FGFR2: variants seen among roughly 807,000 people sequenced by gnomAD.
FGFR2 encodes the protein fibroblast growth factor receptor 2.
In FGFR2, 19 loss-of-function variants were observed where a neutral mutation model predicts 95.9. The observed-to-expected ratio is 0.20, with a 90% CI of 0.14 to 0.29. The LOEUF is 0.29. FGFR2 is among the 10% of genes least tolerant of loss of function. FGFR2 has a pLI of 1.00. For synonymous variants in FGFR2, 392 were observed against 393.3 expected, an observed-to-expected ratio of 1.00 and a Z score of 0.04; for missense variants, 707 against 1,056.9, an observed-to-expected ratio of 0.67 and a Z score of 4.59.
chr10:121,595,044 C>G (rs751109080), intron 1 of FGFR2, among the ~76,000 whole-genome samples: 1 of 152,190 alleles, frequency 6.6e-6, no homozygotes, highest in Non-Finnish European at 1.5e-5. Flanking sequence ...CAGTAAAATG[C>G]ACAAACTTTA....
At chr10:121,494,148 C>G (rs1231916667) in intron 13 of FGFR2, among the ~76,000 whole-genome samples, 1 of 152,110 alleles carries the variant, frequency 6.6e-6, no homozygotes, top group African/African-American at 2.4e-5. Flanking sequence ...CTTCCTCCCC[C>G]TCAGAGGCTT....
intron 10 of FGFR2, 26 bp downstream of exon 10, chr10:121,503,764 G>T (rs1355036380): frequency 6.2e-7 from 1 of 1,613,666 alleles, no homozygotes; most frequent in African/African-American, 1.3e-5. Context: ...TCTCCATCCT[G>T]GGACATGGCC....
intron 6 of FGFR2, among the ~76,000 whole-genome samples, chr10:121,534,091 CTTTT>C (rs1022674124): frequency 4.8e-4 from 44 of 92,092 alleles, no homozygotes; most frequent in African/African-American, 1.3e-3. Flanking sequence ...CCCAAAATGG[CTTTT>C]TTTTTTTTTT....
At chr10:121,505,624 G>C (rs1453253076) in intron 9 of FGFR2, among the ~76,000 whole-genome samples, 1 of 152,164 alleles carries the variant, frequency 6.6e-6, no homozygotes, top group African/African-American at 2.4e-5. Flanking sequence ...AATCCGTCCT[G>C]CTCCCCACTG....
chr10:121,548,931 T>C (rs1854969358), intron 5 of FGFR2, among the ~76,000 whole-genome samples: 1 of 152,152 alleles, frequency 6.6e-6, no homozygotes, highest in South Asian at 2.1e-4. Context: ...CCTTTGAATC[T>C]CATCGTATCT....
intron 5 of FGFR2, among the ~76,000 whole-genome samples, chr10:121,544,443 TAAA>T (rs753310814): frequency 1.9e-5 from 2 of 106,228 alleles, no homozygotes; most frequent in Non-Finnish European, 4.0e-5. Context: ...AACTCCGTCT[TAAA>T]AAAAAAAAAA....
At chr10:121,546,561 G>A (rs1564963458) in intron 5 of FGFR2, among the ~76,000 whole-genome samples, 1 of 152,174 alleles carries the variant, frequency 6.6e-6, no homozygotes, top group African/African-American at 2.4e-5. Context: ...AGACTGAACT[G>A]CCGAATTCCA....
chr10:121,545,921 A>ACAG (rs1296290630), intron 5 of FGFR2, among the ~76,000 whole-genome samples: 1 of 152,168 alleles, frequency 6.6e-6, no homozygotes, highest in African/African-American at 2.4e-5. Flanking sequence ...TGTAATACCC[A>ACAG]ACGCTGAGGG....
intron 6 of FGFR2, among the ~76,000 whole-genome samples, chr10:121,533,141 C>T (rs1405745094): frequency 6.6e-6 from 1 of 152,210 alleles, no homozygotes; most frequent in East Asian, 1.9e-4. Context: ...GTAATCTTGG[C>T]ACTTTGGGAG....
chr10:121,510,714 G>A (rs1164571457), intron 9 of FGFR2, among the ~76,000 whole-genome samples: 1 of 151,636 alleles, frequency 6.6e-6, no homozygotes, highest in Non-Finnish European at 1.5e-5. Flanking sequence ...TATTCCTAAC[G>A]TCCCCAGGAA....
chr10:121,496,868 T>A, intron 12 of FGFR2, 146 bp from the exon 13 acceptor site: 1 of 723,736 alleles, frequency 1.4e-6, no homozygotes, highest in Non-Finnish European at 2.3e-6. Flanking sequence ...TGGTGCCTCA[T>A]ATCTGTAATC....
chr10:121,518,146 C>A lies in FGFR2; in HGVS notation c.940-683G>T. The A allele has an allele frequency of 2.8e-6, 1 of 360,938 alleles. No individual in the cohort carries two copies. The highest frequency in any genetic ancestry group is 2.2e-5 in the South Asian group (1 of 46,070). The allele number at this position is 360,938 out of a possible 1,614,324, so 22.4% of individuals were successfully genotyped here. A position where few individuals can be genotyped will look rare whatever the true frequency, so the allele number is the denominator to read the frequency against. ...AAAGTCAACCTTTTGCCTTTAGTAG[C>A]GTCCAGTAGTACATTCATTAAGATG... On this transcript the variant is annotated intron_variant, in intron 7 of 17. Coordinates refer to ENST00000358487, the MANE Select transcript of FGFR2 (RefSeq NM_000141.5). This position sits in a 1 kb window ranked among gnomAD's most constrained non-coding sequence, Gnocchi z 4.0.
chr10:121,574,811 G>C (rs1261742865), intron 2 of FGFR2, among the ~76,000 whole-genome samples: 1 of 152,196 alleles, frequency 6.6e-6, no homozygotes, highest in Non-Finnish European at 1.5e-5. Context: ...CAATATAAAG[G>C]TGAAAGTTCT....
At chr10:121,551,250 A>T (rs1483433069) in intron 5 of FGFR2, 40 bp downstream of exon 5, 2 of 1,610,744 alleles carry the variant, frequency 1.2e-6, no homozygotes, top group East Asian at 2.2e-5. Context: ...TAAATAAACA[A>T]AAATGTAAGA....
At chr10:121,521,106 T>C (rs1213013628) in intron 6 of FGFR2, among the ~76,000 whole-genome samples, 2 of 152,260 alleles carry the variant, frequency 1.3e-5, no homozygotes, top group African/African-American at 4.8e-5. Context: ...CCCATTTAGC[T>C]CTTTGATGAA....
intron 2 of FGFR2, among the ~76,000 whole-genome samples, chr10:121,589,565 A>G (rs550907324): frequency 6.6e-6 from 1 of 152,334 alleles, no homozygotes; most frequent in East Asian, 1.9e-4. Context: ...AAATAAACAG[A>G]CAAAACAGAA....
At chr10:121,523,478 A>G (rs1226285085) in intron 6 of FGFR2, among the ~76,000 whole-genome samples, 1 of 152,168 alleles carries the variant, frequency 6.6e-6, no homozygotes, top group Non-Finnish European at 1.5e-5. Context: ...GGCAGAGTTA[A>G]GTCCGCGCAC....
At chr10:121,492,046 C>T (rs1443221399) in intron 13 of FGFR2, among the ~76,000 whole-genome samples, 1 of 150,244 alleles carries the variant, frequency 6.7e-6, no homozygotes, top group Non-Finnish European at 1.5e-5. Flanking sequence ...TGTGGTGGTA[C>T]ATGCCTGTAG....
chr10:121,598,296 C>T lies in FGFR2; in HGVS notation c.-485G>A, dbSNP rs1027012938. On this transcript the variant is annotated 5_prime_UTR_variant, in exon 1 of 18. Coordinates refer to ENST00000358487, the MANE Select transcript of FGFR2 (RefSeq NM_000141.5). The stretch of plus-strand genomic sequence containing the variant: ...CCTCGGGGCCCCCGGGGCTCGCGGC[C>T]GGCCCCCGCCAGCCCGGAGAGCAGT... 4.6e-5 allele frequency: 17 copies of T among 366,346 alleles called. No homozygotes were observed. The highest frequency in any genetic ancestry group is 3.4e-4 in the African/African-American group (16 of 47,380). 22.7% of individuals were successfully genotyped at this position (366,346 alleles called of 1,614,324 possible).
Sources: gnomAD v4.1 joint callset for allele counts (sites outside exome capture counted in the v4.1 genomes callset) on GRCh38, gnomAD v4.1.1 for gene constraint, Gnocchi (gnomAD v3.1) non-coding constraint, MANE v1.5 for transcripts, NCBI Gene and HGNC (gene_info 2026-07-23, HGNC 2026-07-21) for gene names.